Variants in BICC1 observed in about 807,000 individuals in gnomAD.
The protein encoded by BICC1 is BicC family RNA binding protein 1.
A neutral mutation model predicts 111.0 loss-of-function variants in BICC1; 43 were observed. The observed-to-expected ratio is 0.39, with a 90% CI of 0.30 to 0.50. The LOEUF is 0.50. Among genes scored for constraint, BICC1 ranks in the 20% least tolerant of loss-of-function variants. The probability of loss-of-function intolerance (pLI) is 0.88; values close to 1 mark genes in which losing one functional copy is unlikely to be tolerated. For missense variants in BICC1, 1,091 were observed against 1,203.2 expected (o/e 0.91, Z 1.38); for synonymous variants, 467 against 434.4 (o/e 1.07, Z -0.93).
At position 58,539,847 on chromosome 10, in the gene BICC1, A is replaced by C. The variant is rs140961772; in HGVS notation, c.190+26514A>C. The stretch of plus-strand genomic sequence containing the variant: ...CAGAATAGATAGTCTTTTCAAGTGC[A>C]CTAGGAGCATTCTTCAGGATATATC... On this transcript the variant is annotated intron_variant, in intron 1 of 20. Coordinates refer to ENST00000373886, the MANE Select transcript of BICC1 (RefSeq NM_001080512.3). 2.9e-3 allele frequency among the ~76,000 whole-genome samples: 443 copies of C among 152,086 alleles called. 1 individual carries two copies. The highest frequency in any genetic ancestry group is 9.9e-3 in the African/African-American group (411 of 41,558).
At chr10:58,578,408 A>G (rs1844172962) in intron 1 of BICC1, among the ~76,000 whole-genome samples, 1 of 152,150 alleles carries the variant, frequency 6.6e-6, no homozygotes, top group African/African-American at 2.4e-5. Context: ...TTGTATTTCA[A>G]TACATCACCC....
intron 3 of BICC1, among the ~76,000 whole-genome samples, chr10:58,712,405 A>G (rs1420684882): frequency 1.3e-5 from 2 of 152,250 alleles, no homozygotes; most frequent in African/African-American, 2.4e-5. Flanking sequence ...CACATGGAAC[A>G]GAAGCTTATA....
chr10:58,803,663 A>G (rs561923582), intron 15 of BICC1, among the ~76,000 whole-genome samples: 1 of 152,354 alleles, frequency 6.6e-6, no homozygotes, highest in South Asian at 2.1e-4. Context: ...AGTTATGAGA[A>G]TAACGAATGT....
At chr10:58,810,519 G>A (rs1843868534) in intron 17 of BICC1, among the ~76,000 whole-genome samples, 1 of 151,794 alleles carries the variant, frequency 6.6e-6, no homozygotes, top group Non-Finnish European at 1.5e-5. Context: ...TTAGACTTGA[G>A]CTTTTCCTCA....
chr10:58,763,355 A>G (rs1842371438), intron 3 of BICC1, among the ~76,000 whole-genome samples: 1 of 152,346 alleles, frequency 6.6e-6, no homozygotes, highest in South Asian at 2.1e-4. Flanking sequence ...TAAAACTGTG[A>G]GAGTATAGCC....
intron 3 of BICC1, among the ~76,000 whole-genome samples, chr10:58,743,777 CT>C (rs5785345): frequency 2.9e-4 from 42 of 143,590 alleles, no homozygotes; most frequent in Admixed American, 4.2e-4. Flanking sequence ...GTTTTCTTTT[CT>C]TTTTTTTTTT....
At chr10:58,750,302 A>G (rs763857954) in intron 3 of BICC1, among the ~76,000 whole-genome samples, 2 of 152,134 alleles carry the variant, frequency 1.3e-5, no homozygotes, top group Admixed American at 6.6e-5. Context: ...GGCAACTTCA[A>G]TCACCAGCCA....
At chr10:58,796,201 AGAT>A in intron 9 of BICC1, 136 bp from the exon 10 acceptor site, 1 of 702,804 alleles carries the variant, frequency 1.4e-6, no homozygotes. Flanking sequence ...TAGAATTTGC[AGAT>A]GATTTAAAAG....
intron 1 of BICC1, among the ~76,000 whole-genome samples, chr10:58,548,569 C>T (rs998445910): frequency 6.6e-6 from 1 of 152,066 alleles, no homozygotes; most frequent in Non-Finnish European, 1.5e-5. Flanking sequence ...GTCATGTATC[C>T]CCCATTAGAA....
intron 1 of BICC1, among the ~76,000 whole-genome samples, chr10:58,559,587 G>T (rs1426311641): frequency 1.3e-5 from 2 of 152,040 alleles, no homozygotes; most frequent in Non-Finnish European, 2.9e-5. Context: ...TGCTCTTTCT[G>T]TTCCTTAATT....
Position 58,688,512 on chromosome 10 carries a change from C to T in BICC1, c.238-13562C>T, listed in dbSNP as rs776894816. The stretch of plus-strand genomic sequence containing the variant: ...AAGCCCAGCCGGCTTCACCTCTCAC[C>T]GGCAATCTCATTACTGGGTATATAC... On this transcript the variant is annotated intron_variant, in intron 2 of 20. Coordinates refer to ENST00000373886, the MANE Select transcript of BICC1 (RefSeq NM_001080512.3). Among the ~76,000 whole-genome samples, 10 of 152,118 alleles carry T rather than the reference C, an allele frequency of 6.6e-5. 1 individual carries two copies. The highest frequency in any genetic ancestry group is 4.1e-4 in the South Asian group (2 of 4,826).
intron 14 of BICC1, among the ~76,000 whole-genome samples, chr10:58,801,288 C>G (rs1175905656): frequency 1.3e-5 from 2 of 152,166 alleles, no homozygotes; most frequent in Admixed American, 1.3e-4. Flanking sequence ...TCTAAACCGT[C>G]TGTATTACTC....
At chr10:58,692,004 T>C (rs746434763) in intron 2 of BICC1, among the ~76,000 whole-genome samples, 6 of 152,214 alleles carry the variant, frequency 3.9e-5, no homozygotes, top group Non-Finnish European at 7.3e-5. Flanking sequence ...TTTATCACTA[T>C]AGCATTAAAT....
intron 1 of BICC1, among the ~76,000 whole-genome samples, chr10:58,545,653 T>G (rs1165702689): frequency 6.6e-6 from 1 of 152,188 alleles, no homozygotes; most frequent in Non-Finnish European, 1.5e-5. Flanking sequence ...AACTGATTTT[T>G]CCATTGCCCC....
At chr10:58,718,797 CGTGCTT>C (rs1564572808) in intron 3 of BICC1, among the ~76,000 whole-genome samples, 34 of 148,220 alleles carry the variant, frequency 2.3e-4, no homozygotes, top group African/African-American at 8.9e-4. Context: ...CGCACGCCCG[CGTGCTT>C]ATGGGTATGT....
chr10:58,514,672 C>T (rs920763979), intron 1 of BICC1, among the ~76,000 whole-genome samples: 1 of 110,564 alleles, frequency 9.0e-6, no homozygotes, highest in East Asian at 2.6e-4. Context: ...TGTCTCTCCC[C>T]TTCCCTCTCT....
At chr10:58,649,616 A>G (rs951721166) in intron 2 of BICC1, among the ~76,000 whole-genome samples, 3 of 152,178 alleles carry the variant, frequency 2.0e-5, no homozygotes, top group Non-Finnish European at 2.9e-5. Flanking sequence ...TTAATATTAG[A>G]GAAGCACTGG....
intron 1 of BICC1, among the ~76,000 whole-genome samples, chr10:58,560,590 T>C (rs1466734814): frequency 6.6e-6 from 1 of 152,074 alleles, no homozygotes; most frequent in Non-Finnish European, 1.5e-5. Flanking sequence ...TTGTTTTTCT[T>C]TTACCGACTT....
At chr10:58,519,263 C>G (rs535590145) in intron 1 of BICC1, among the ~76,000 whole-genome samples, 4 of 152,274 alleles carry the variant, frequency 2.6e-5, no homozygotes, top group African/African-American at 9.6e-5. Flanking sequence ...ATTATTTTCT[C>G]TTAGAGATTT....
Sources: gnomAD v4.1 joint callset for allele counts (sites outside exome capture counted in the v4.1 genomes callset) on GRCh38, gnomAD v4.1.1 for gene constraint, MANE v1.5 for transcripts, NCBI Gene and HGNC (gene_info 2026-07-23, HGNC 2026-07-21) for gene names.